Variants in NINJ2 observed in about 807,000 individuals in gnomAD.
NINJ2 encodes ninjurin 2.
Under a neutral mutation model 11.7 loss-of-function variants are expected in NINJ2, and 12 were observed. The observed-to-expected ratio is 1.02, with a 90% confidence interval of 0.66 to 1.66. The LOEUF (loss-of-function observed/expected upper bound fraction) is 1.66, where lower values mean the gene tolerates loss of function less well. Ranked by LOEUF, NINJ2 falls within the 40% of genes most tolerant of loss-of-function variation. The probability of loss-of-function intolerance (pLI) is 0.00; values close to 1 mark genes in which losing one functional copy is unlikely to be tolerated. For synonymous variants in NINJ2, 93 were observed against 76.8 expected, an observed-to-expected ratio of 1.21 and a Z score of -1.10; for missense variants, 187 against 181.8, an observed-to-expected ratio of 1.03 and a Z score of -0.16.
At chr12:618,123 A>G (rs1948113685) in intron 1 of NINJ2, among the ~76,000 whole-genome samples, 1 of 150,080 alleles carries the variant, frequency 6.7e-6, no homozygotes, top group Non-Finnish European at 1.5e-5. Context: ...TGTCAATAGG[A>G]CCATCTGAAC....
chr12:610,069 C>T (rs556637193), intron 1 of NINJ2, among the ~76,000 whole-genome samples: 1 of 152,212 alleles, frequency 6.6e-6, no homozygotes, highest in African/African-American at 2.4e-5. Context: ...CCACTCCCAG[C>T]TGTCCTACTA....
chr12:577,448 T>TGTGTATATATA, intron 1 of NINJ2, among the ~76,000 whole-genome samples: 1 of 141,944 alleles, frequency 7.0e-6, no homozygotes, highest in African/African-American at 2.6e-5. Flanking sequence ...TATATAAATA[T>TGTGTATATATA]TTTGGCACGA....
intron 1 of NINJ2, among the ~76,000 whole-genome samples, chr12:594,725 C>T (rs1947760029): frequency 6.6e-6 from 1 of 152,242 alleles, no homozygotes; most frequent in South Asian, 2.1e-4. Flanking sequence ...AATAGAAAGA[C>T]TCAATATTTG....
At chr12:656,620 G>T (rs1447069186) in intron 1 of NINJ2, among the ~76,000 whole-genome samples, 1 of 151,642 alleles carries the variant, frequency 6.6e-6, no homozygotes, top group East Asian at 1.9e-4. Context: ...GTGGTGGCGG[G>T]CCCCTGTAAT....
chr12:577,097 T>A (rs1254987471), intron 1 of NINJ2, among the ~76,000 whole-genome samples: 2 of 152,226 alleles, frequency 1.3e-5, no homozygotes, highest in Non-Finnish European at 2.9e-5. Context: ...TCCCCAGCTT[T>A]CGCACCATCG....
chr12:651,683 AG>A (rs1184077604), intron 1 of NINJ2, among the ~76,000 whole-genome samples: 4 of 152,124 alleles, frequency 2.6e-5, no homozygotes, highest in Admixed American at 6.5e-5. Context: ...TGAATATGCT[AG>A]GGGTGCTAAC....
chr12:630,608 C>T (rs990555354), intron 1 of NINJ2, among the ~76,000 whole-genome samples: 5 of 152,228 alleles, frequency 3.3e-5, no homozygotes, highest in Non-Finnish European at 7.3e-5. Flanking sequence ...AACTCCTGGC[C>T]TCAGGTGATC....
At chr12:572,313 G>A (rs1014546810) in intron 1 of NINJ2, among the ~76,000 whole-genome samples, 1 of 152,200 alleles carries the variant, frequency 6.6e-6, no homozygotes, top group Non-Finnish European at 1.5e-5. Context: ...GTGTGCCAGC[G>A]CACAGTCAGG....
At chr12:635,478 G>A (rs1948339859) in intron 1 of NINJ2, among the ~76,000 whole-genome samples, 1 of 152,186 alleles carries the variant, frequency 6.6e-6, no homozygotes, top group Non-Finnish European at 1.5e-5. Flanking sequence ...ACTCAATGGG[G>A]AAAGGATAAT....
chr12:657,233 G>C (rs1340030376), intron 1 of NINJ2, among the ~76,000 whole-genome samples: 4 of 152,172 alleles, frequency 2.6e-5, no homozygotes, highest in Non-Finnish European at 5.9e-5. Flanking sequence ...GAAAATATCT[G>C]CAAAAGATGC....
intron 1 of NINJ2, among the ~76,000 whole-genome samples, chr12:571,013 C>T (rs1947368063): frequency 6.6e-6 from 1 of 152,282 alleles, no homozygotes; most frequent in South Asian, 2.1e-4. Context: ...GCTGAGATCC[C>T]TCTCTCAATG....
At position 611,169 on chromosome 12, in the gene NINJ2, C is replaced by G. The variant is rs1948023354; in HGVS notation, c.34-44991G>C. Among the ~76,000 whole-genome samples the G allele has an allele frequency of 3.3e-5, 5 of 152,076 alleles. No homozygotes were observed. In the South Asian group the frequency reaches 1.0e-3, roughly 32 times the overall value. On this transcript the variant is annotated intron_variant, in intron 1 of 3. Transcript: ENST00000305108. ...ACCCCAGGCCTGCCTGCCTTTCTTT[C>G]TTTCCTTCTTTTCTTTCCTCCTTTT...
intron 1 of NINJ2, among the ~76,000 whole-genome samples, chr12:584,859 G>T (rs958756297): frequency 2.0e-5 from 3 of 151,786 alleles, no homozygotes; most frequent in African/African-American, 7.3e-5. Context: ...CTAGGGGCGC[G>T]CTCACACCCG....
chr12:584,045 A>T (rs1453524122), intron 1 of NINJ2, among the ~76,000 whole-genome samples: 1 of 147,712 alleles, frequency 6.8e-6, no homozygotes, highest in African/African-American at 2.5e-5. Context: ...TTTTTCTTCA[A>T]TGAACATTTG....
intron 1 of NINJ2, among the ~76,000 whole-genome samples, chr12:629,896 A>AAAAAATATATATATATATAT: frequency 1.0e-4 from 1 of 9,902 alleles, no homozygotes; most frequent in African/African-American, 1.5e-4. Context: ...AAAAAAAAAA[A>AAAAAATATATATATATATAT]ATATATATAT....
intron 1 of NINJ2, among the ~76,000 whole-genome samples, chr12:658,300 C>A (rs1449534748): frequency 6.6e-6 from 1 of 152,128 alleles, no homozygotes; most frequent in African/African-American, 2.4e-5. Flanking sequence ...CCACTGCGCC[C>A]AGCTGAGTGG....
intron 1 of NINJ2, among the ~76,000 whole-genome samples, chr12:630,361 TTTTTGTTTTGTTTTG>T (rs369527198): frequency 1.1e-4 from 16 of 151,946 alleles, no homozygotes; most frequent in African/African-American, 3.9e-4. Context: ...TTTTCTTGGT[TTTTTGTTTTGTTTTG>T]TTTTGTTTTG....
At chr12:660,355 C>CT (rs1565651492) in intron 1 of NINJ2, among the ~76,000 whole-genome samples, 3 of 125,614 alleles carry the variant, frequency 2.4e-5, no homozygotes, top group Non-Finnish European at 3.3e-5. Flanking sequence ...TTTCTTTTTT[C>CT]TTTTCTTTTT....
At chr12:576,080 C>T (rs1947454723) in intron 1 of NINJ2, among the ~76,000 whole-genome samples, 1 of 152,198 alleles carries the variant, frequency 6.6e-6, no homozygotes, top group Admixed American at 6.5e-5. Flanking sequence ...TAATCCACGT[C>T]GGGGTGGGGT....
Sources: gnomAD v4.1 joint callset for allele counts (sites outside exome capture counted in the v4.1 genomes callset) on GRCh38, gnomAD v4.1.1 for gene constraint, MANE v1.5 for transcripts, NCBI Gene and HGNC (gene_info 2026-07-23, HGNC 2026-07-21) for gene names.